Variants in NTM observed in about 807,000 individuals in gnomAD.
NTM encodes IgLON family member 2.
NTM carries 13 observed loss-of-function variants against 42.1 expected under a neutral mutation model. The ratio of observed to expected loss-of-function variants is 0.31; its 90% CI spans 0.20 to 0.49. The LOEUF is 0.49. Among genes scored for constraint, NTM ranks in the 20% least tolerant of loss-of-function variants. The pLI, the probability that NTM is intolerant of heterozygous loss-of-function variation, is 0.99. For missense variants in NTM, 373 were observed against 452.8 expected (o/e 0.82, Z 1.60); for synonymous variants, 187 against 179.2 (o/e 1.04, Z -0.35).
At chr11:132,058,418 C>G (rs919135246) in intron 2 of NTM, among the ~76,000 whole-genome samples, 2 of 152,316 alleles carry the variant, frequency 1.3e-5, no homozygotes, top group South Asian at 2.1e-4. Context: ...AGTCTCCTTC[C>G]TAGCCTTAAG....
chr11:131,633,265 A>G (rs1280602705), intron 1 of NTM, among the ~76,000 whole-genome samples: 1 of 152,036 alleles, frequency 6.6e-6, no homozygotes, highest in Admixed American at 6.6e-5. Flanking sequence ...AGGAAACCAA[A>G]CCTCTGTCGA....
At position 132,300,317 on chromosome 11, in the gene NTM, G is replaced by A. The variant is rs536349369; in HGVS notation, c.527-7372G>A. ...TTCCTGAGAGCTTCCTATATGCTAAGTACTTTACTCATATTTAGTCATTTA... is the reference window on the plus strand; with the variant it reads ...TTCCTGAGAGCTTCCTATATGCTAAATACTTTACTCATATTTAGTCATTTA... On this transcript the variant is annotated intron_variant, in intron 4 of 8. Coordinates refer to ENST00000683400, the MANE Select transcript of NTM (RefSeq NM_001352005.2). 7.9e-5 allele frequency among the ~76,000 whole-genome samples: 12 copies of A among 152,302 alleles called. 1 individual carries two copies. In the South Asian group the frequency reaches 2.5e-3, roughly 32 times the overall value.
At chr11:132,231,221 C>G (rs1338500974) in intron 4 of NTM, among the ~76,000 whole-genome samples, 1 of 152,188 alleles carries the variant, frequency 6.6e-6, no homozygotes, top group Non-Finnish European at 1.5e-5. Flanking sequence ...GACCTTTTCA[C>G]AATACTCCAT....
At chr11:132,138,295 A>G (rs1290170295) in intron 2 of NTM, among the ~76,000 whole-genome samples, 1 of 152,188 alleles carries the variant, frequency 6.6e-6, no homozygotes, top group South Asian at 2.1e-4. Context: ...ATGTCTGGAA[A>G]ACACTCATGG....
At position 132,095,509 on chromosome 11, in the gene NTM, C is replaced by T. The variant is rs75561776; in HGVS notation, c.168-50773C>T. Among the ~76,000 whole-genome samples the T allele has an allele frequency of 5.6e-4, 86 of 152,244 alleles. 1 individual carries two copies. The East Asian group carries it at 7.0e-3, about 12-fold the overall frequency. On this transcript the variant is annotated intron_variant, in intron 2 of 8. Coordinates refer to ENST00000683400, the MANE Select transcript of NTM (RefSeq NM_001352005.2). ...CATAGAGAGAAACAGACTTGAAAGC[C>T]CTGAACTGAGAGGGAATTCATTCTG...
At chr11:131,968,143 T>C (rs1024913283) in intron 2 of NTM, among the ~76,000 whole-genome samples, 4 of 152,184 alleles carry the variant, frequency 2.6e-5, no homozygotes, top group African/African-American at 9.7e-5. Context: ...CTCACAATGA[T>C]CTTGTAAAGT....
chr11:131,727,141 C>A (rs992982772), intron 1 of NTM, among the ~76,000 whole-genome samples: 1 of 151,234 alleles, frequency 6.6e-6, no homozygotes, highest in African/African-American at 2.5e-5. Flanking sequence ...ATTTTCCAAC[C>A]CCAAACAGCT....
intron 1 of NTM, among the ~76,000 whole-genome samples, chr11:131,905,940 C>A (rs1476203767): frequency 6.6e-6 from 1 of 152,134 alleles, no homozygotes; most frequent in African/African-American, 2.4e-5. Flanking sequence ...GCTAGGCAGA[C>A]CTCAGCTTTT....
At chr11:131,928,687 C>T (rs1037856620) in intron 2 of NTM, among the ~76,000 whole-genome samples, 2 of 148,414 alleles carry the variant, frequency 1.3e-5, no homozygotes, top group East Asian at 2.0e-4. Context: ...TTTTGTCCCA[C>T]TGCAAACTCT....
At chr11:131,499,755 G>C (rs1010274783) in intron 1 of NTM, among the ~76,000 whole-genome samples, 4 of 152,190 alleles carry the variant, frequency 2.6e-5, no homozygotes, top group South Asian at 4.1e-4. Flanking sequence ...CTGCATCAGA[G>C]CAAAAAAATC....
intron 1 of NTM, chr11:131,767,134 A>G (rs2085248698): frequency 1.0e-6 from 1 of 983,028 alleles, no homozygotes; most frequent in Non-Finnish European, 1.2e-6. Flanking sequence ...AAGGATCAAC[A>G]GTTCAGGCTC....
At chr11:132,334,748 T>C (rs1264069803) in intron 8 of NTM, among the ~76,000 whole-genome samples, 1 of 151,996 alleles carries the variant, frequency 6.6e-6, no homozygotes, top group African/African-American at 2.4e-5. Flanking sequence ...TTCTTGAATT[T>C]GAGCCTGAGC....
chr11:131,752,952 C>A (rs1379034669), intron 1 of NTM, among the ~76,000 whole-genome samples: 1 of 152,056 alleles, frequency 6.6e-6, no homozygotes, highest in Non-Finnish European at 1.5e-5. Flanking sequence ...AGTGAACAGG[C>A]AACCTACAAA....
chr11:131,818,144 ACCTTCACGCTGCAGTGCAT>A (rs2136379153), intron 1 of NTM, among the ~76,000 whole-genome samples: 1 of 152,160 alleles, frequency 6.6e-6, no homozygotes, highest in South Asian at 2.1e-4. Context: ...TTCAGAACCC[ACCTTCACGCTGCAGTGCAT>A]CCTTTACAGT....
chr11:131,373,869 G>A (rs565899287), intron 1 of NTM, among the ~76,000 whole-genome samples: 1 of 152,324 alleles, frequency 6.6e-6, no homozygotes, highest in East Asian at 1.9e-4. Flanking sequence ...CACAGACAGG[G>A]CAGAGGAGAA....
intron 4 of NTM, among the ~76,000 whole-genome samples, chr11:132,231,021 T>C (rs1284057167): frequency 6.6e-6 from 1 of 152,178 alleles, no homozygotes; most frequent in Non-Finnish European, 1.5e-5. Flanking sequence ...CTCATAATAA[T>C]TGTAATAATA....
rs563888685 is a variant in NTM at position 132,127,637 on chromosome 11, T to C, written c.168-18645T>C. ...CTGCCTCGGATGCTTTTATGGGCAT[T>C]GATTCCCTCCACTGCTTCCCCAAAG... On this transcript the variant is annotated intron_variant, in intron 2 of 8. Coordinates refer to ENST00000683400, the MANE Select transcript of NTM (RefSeq NM_001352005.2). Among the ~76,000 whole-genome samples the C allele has an allele frequency of 2.0e-5, 3 of 152,344 alleles. No homozygotes were observed. The South Asian group carries it at 6.2e-4, about 32-fold the overall frequency.
At chr11:131,478,962 C>T (rs1486966566) in intron 1 of NTM, among the ~76,000 whole-genome samples, 1 of 152,210 alleles carries the variant, frequency 6.6e-6, no homozygotes, top group African/African-American at 2.4e-5. Context: ...AGCTCCAGGA[C>T]TTGAGGAGCT....
At chr11:131,383,171 C>T (rs1160751734) in intron 1 of NTM, among the ~76,000 whole-genome samples, 1 of 152,210 alleles carries the variant, frequency 6.6e-6, no homozygotes, top group Non-Finnish European at 1.5e-5. Context: ...ATCTCCACAT[C>T]ATTGAATCTA....
Sources: gnomAD v4.1 joint callset for allele counts (sites outside exome capture counted in the v4.1 genomes callset) on GRCh38, gnomAD v4.1.1 for gene constraint, MANE v1.5 for transcripts, NCBI Gene and HGNC (gene_info 2026-07-23, HGNC 2026-07-21) for gene names.